CAMK4: variants seen among roughly 807,000 people sequenced by gnomAD.
CAMK4 encodes calcium/calmodulin-dependent protein kinase type IV.
In CAMK4, 22 loss-of-function variants were observed where a neutral mutation model predicts 44.9. The observed-to-expected ratio is 0.49, with a 90% CI of 0.35 to 0.70. The LOEUF (loss-of-function observed/expected upper bound fraction) is 0.70. Among genes scored for constraint, CAMK4 ranks in the 30% least tolerant of loss-of-function variants. CAMK4 has a pLI of 0.01. For synonymous variants in CAMK4, 218 were observed against 215.4 expected, an observed-to-expected ratio of 1.01 and a Z score of -0.11; for missense variants, 498 against 586.8, an observed-to-expected ratio of 0.85 and a Z score of 1.56.
chr5:111,314,043 T>C (rs1748319047), intron 1 of CAMK4, among the ~76,000 whole-genome samples: 1 of 152,060 alleles, frequency 6.6e-6, no homozygotes. Flanking sequence ...GACAATTTTG[T>C]TTTTCTGTAG....
intron 1 of CAMK4, among the ~76,000 whole-genome samples, chr5:111,315,422 G>T (rs76728674): frequency 0.016 from 2,471 of 152,200 alleles, 65 homozygotes; most frequent in African/African-American, 0.057. Flanking sequence ...ATGATTTCTT[G>T]TCTCCCTGAT....
chr5:111,360,122 T>C (rs1750530995), intron 2 of CAMK4, among the ~76,000 whole-genome samples: 1 of 152,110 alleles, frequency 6.6e-6, no homozygotes, highest in Non-Finnish European at 1.5e-5. Flanking sequence ...CCTCTTGCTA[T>C]CACTGGATAC....
chr5:111,393,743 A>C (rs1751895358), intron 4 of CAMK4, among the ~76,000 whole-genome samples: 1 of 152,080 alleles, frequency 6.6e-6, no homozygotes, highest in Non-Finnish European at 1.5e-5. Flanking sequence ...AGGAGAGAGA[A>C]GATCAGGAAA....
intron 1 of CAMK4, among the ~76,000 whole-genome samples, chr5:111,322,358 A>T (rs1397700032): frequency 1.3e-5 from 2 of 152,120 alleles, no homozygotes; most frequent in Non-Finnish European, 2.9e-5. Flanking sequence ...TTGAGACCTC[A>T]AAACGATCAC....
chr5:111,405,546 T>G (rs931757393), intron 5 of CAMK4, among the ~76,000 whole-genome samples: 1 of 152,190 alleles, frequency 6.6e-6, no homozygotes, highest in Non-Finnish European at 1.5e-5. Flanking sequence ...ATTTCCATAA[T>G]ACTCCTTTTT....
chr5:111,364,962 G>T lies in CAMK4; in HGVS notation c.241-9888G>T, dbSNP rs983894684. ...TTCCAGCACACCATATCCAATGCTT[G>T]CTGCTGCCCTCACCTCTAAACCGTC... On this transcript the variant is annotated intron_variant, in intron 2 of 10. Coordinates refer to ENST00000282356, the MANE Select transcript of CAMK4 (RefSeq NM_001744.6). 10 of 152,232 alleles carry T rather than the reference G, an allele frequency of 6.6e-5. 1 individual carries two copies. The highest frequency in any genetic ancestry group is 5.2e-4 in the Admixed American group (8 of 15,250). The allele number at this position is 152,232 out of a possible 1,614,324, so 9.4% of individuals were successfully genotyped here.
chr5:111,320,406 C>T lies in CAMK4; in HGVS notation c.162-23618C>T, dbSNP rs192666093. On this transcript the variant is annotated intron_variant, in intron 1 of 10. Coordinates refer to ENST00000282356, the MANE Select transcript of CAMK4 (RefSeq NM_001744.6). ...ATTTAAGAAAGCTATGGAGTAGAAA[C>T]GGAAATGATAGAAACAGAAATTAAT... Among the ~76,000 whole-genome samples the T allele has an allele frequency of 3.4e-3, 519 of 152,198 alleles. 3 individuals are homozygous for T. The highest frequency in any genetic ancestry group is 0.012 in the African/African-American group (500 of 41,520).
chr5:111,327,158 C>T (rs1644507), intron 1 of CAMK4, among the ~76,000 whole-genome samples: 1 of 143,132 alleles, frequency 7.0e-6, no homozygotes, highest in Non-Finnish European at 1.5e-5. Flanking sequence ...TCCCTCCCCC[C>T]TCCCCCAACT....
At chr5:111,244,343 T>C (rs901814664) in intron 1 of CAMK4, among the ~76,000 whole-genome samples, 19 of 152,248 alleles carry the variant, frequency 1.2e-4, no homozygotes, top group African/African-American at 4.6e-4. Context: ...GAATATTTTA[T>C]ACTTGTCTTC....
chr5:111,401,894 G>A (rs141259247), intron 5 of CAMK4, among the ~76,000 whole-genome samples: 358 of 152,246 alleles, frequency 2.4e-3, no homozygotes, highest in African/African-American at 8.4e-3. Flanking sequence ...TAGGTGGCTC[G>A]GACCTCAGAG....
chr5:111,436,533 C>A (rs557811636), intron 5 of CAMK4, among the ~76,000 whole-genome samples: 2 of 152,200 alleles, frequency 1.3e-5, no homozygotes, highest in Non-Finnish European at 2.9e-5. Flanking sequence ...CATTCTGAGA[C>A]TTCTGGGCCA....
At chr5:111,313,234 G>A (rs538922688) in intron 1 of CAMK4, among the ~76,000 whole-genome samples, 103 of 152,162 alleles carry the variant, frequency 6.8e-4, no homozygotes, top group Non-Finnish European at 1.2e-3. Flanking sequence ...TAGCAGCTCT[G>A]TCTCACCCCC....
chr5:111,344,143 G>A (rs1172199498), intron 2 of CAMK4, 41 bp downstream of exon 2: 3 of 1,176,892 alleles, frequency 2.5e-6, no homozygotes, highest in Admixed American at 3.6e-5. Context: ...TAAGGGGCCT[G>A]TGACCTGGAG....
At chr5:111,341,677 C>T (rs1017435413) in intron 1 of CAMK4, among the ~76,000 whole-genome samples, 6 of 151,106 alleles carry the variant, frequency 4.0e-5, no homozygotes, top group Admixed American at 6.6e-5. Flanking sequence ...CTTACATAGA[C>T]CTTACTGTGC....
In CAMK4 at chr5:111,224,442, G is replaced by C. The variant is rs905137891; in HGVS notation, c.-42G>C. On this transcript the variant is annotated 5_prime_UTR_variant, in exon 1 of 11. Coordinates refer to ENST00000282356, the MANE Select transcript of CAMK4 (RefSeq NM_001744.6). This position sits in a 1 kb window ranked among gnomAD's most constrained non-coding sequence, Gnocchi z 5.7. The stretch of plus-strand genomic sequence containing the variant: ...GCGGCCGGCTTCTCGCTCGGGCAGC[G>C]GCGGCGGCGGCGGCGGCGGCTTCCG... 1 of 1,384,958 alleles carries C rather than the reference G, an allele frequency of 7.2e-7. No homozygotes were observed. Among genetic ancestry groups the C allele is most frequent in the Non-Finnish European group, 9.5e-7 (1 of 1,048,082 alleles). 85.8% of individuals were successfully genotyped at this position (1,384,958 alleles called of 1,614,324 possible). A position where few individuals can be genotyped will look rare whatever the true frequency, so the allele number is the denominator to read the frequency against.
chr5:111,392,711 T>A (rs1472922271), intron 4 of CAMK4, among the ~76,000 whole-genome samples: 2 of 152,160 alleles, frequency 1.3e-5, no homozygotes, highest in Non-Finnish European at 1.5e-5. Flanking sequence ...TATGAACATA[T>A]GTACATATAT....
chr5:111,391,676 CA>C (rs1490997581), intron 4 of CAMK4, among the ~76,000 whole-genome samples: 2 of 152,066 alleles, frequency 1.3e-5, no homozygotes, highest in Non-Finnish European at 1.5e-5. Flanking sequence ...AGAAAACAAA[CA>C]CAAAACATTC....
intron 1 of CAMK4, among the ~76,000 whole-genome samples, chr5:111,254,693 C>G (rs1206682260): frequency 1.3e-5 from 2 of 152,132 alleles, no homozygotes; most frequent in Non-Finnish European, 2.9e-5. Context: ...ATTGCCAGCT[C>G]CCCCAGGCGA....
At chr5:111,340,781 G>T (rs1037674510) in intron 1 of CAMK4, among the ~76,000 whole-genome samples, 2 of 150,814 alleles carry the variant, frequency 1.3e-5, no homozygotes, top group East Asian at 2.0e-4. Flanking sequence ...ATTGGTATTA[G>T]TTTTTTTTAA....
Sources: allele counts gnomAD v4.1 joint callset (sites outside exome capture counted in the v4.1 genomes callset), GRCh38; gene constraint gnomAD v4.1.1; non-coding constraint Gnocchi (gnomAD v3.1); transcripts MANE v1.5; gene names NCBI Gene and HGNC (gene_info 2026-07-23, HGNC 2026-07-21).